Variants in SH2D3C observed in about 807,000 individuals in gnomAD.
SH2D3C encodes SH2 domain-containing protein 3C.
SH2D3C carries 25 observed loss-of-function variants against 75.2 expected under a neutral mutation model. The ratio of observed to expected loss-of-function variants is 0.33; its 90% CI spans 0.24 to 0.46. The LOEUF (loss-of-function observed/expected upper bound fraction) is 0.46. SH2D3C is among the 20% of genes least tolerant of loss of function. SH2D3C has a pLI of 1.00. For missense variants in SH2D3C, 933 were observed against 1,165.3 expected (o/e 0.80, Z 2.90); for synonymous variants, 450 against 473.7 (o/e 0.95, Z 0.65).
Position 127,745,042 on chromosome 9 carries a change from G to A in SH2D3C, c.1322C>T (p.Pro441Leu). 3 of 1,512,162 alleles carry A rather than the reference G, an allele frequency of 2.0e-6. No individual in the cohort carries two copies. Among genetic ancestry groups the A allele is most frequent in the South Asian group, 1.3e-5 (1 of 74,106 alleles). The allele number at this position is 1,512,162 out of a possible 1,614,324, so 93.7% of individuals were successfully genotyped here. ...APSATALPAS[P>L]VARRSSEPQL... Reference sequence around the variant, plus strand: ...GGGCTCACTGGAACGGCGGGCGACAGGGGAGGCAGGCAATGCTGTGGCAGA... The same window carrying A: ...GGGCTCACTGGAACGGCGGGCGACAAGGGAGGCAGGCAATGCTGTGGCAGA... Residue 441 changes from proline (P) to leucine (L), a missense_variant, in exon 7 of 12, where the codon CCT becomes CTT. Physicochemically the swap from Pro to Leu is moderately conservative, Grantham distance 98. Transcript: ENST00000314830.
chr9:127,754,727 C>T lies in SH2D3C; in HGVS notation c.556-3427G>A, dbSNP rs1248275733. 4.7e-6 allele frequency: 2 copies of T among 428,568 alleles called. No individual in the cohort carries two copies. Among genetic ancestry groups the T allele is most frequent in the Non-Finnish European group, 9.9e-6 (2 of 201,782 alleles). 26.5% of individuals were successfully genotyped at this position (428,568 alleles called of 1,614,324 possible). A position where few individuals can be genotyped will look rare whatever the true frequency, so the allele number is the denominator to read the frequency against. ...TGGGGAGCCAGGGTGCCCAGGTCAG[C>T]CGCAAGGGCCAGCGTACCAGGCGGA... On this transcript the variant is annotated intron_variant, in intron 3 of 11. Transcript: ENST00000314830. This position sits in a 1 kb window ranked among gnomAD's most constrained non-coding sequence, Gnocchi z 4.4.
rs746511373 is a variant in SH2D3C at position 127,738,814 on chromosome 9, TCTC to T, written c.2512_2514del (p.Glu838del). The T allele has an allele frequency of 6.2e-7, 1 of 1,608,100 alleles. No individual in the cohort carries two copies. The highest frequency in any genetic ancestry group is 1.3e-5 in the African/African-American group (1 of 74,852). ...AGGGCAGTGAGGACCTTGTCGAACT[TCTC>T]ATAGCGCCGGGCCTGGCTGCTGCTG... On this transcript the variant is annotated inframe_deletion, in exon 12 of 12. Transcript: ENST00000314830. This position sits in a 1 kb window ranked among gnomAD's most constrained non-coding sequence, Gnocchi z 5.0.
intron 3 of SH2D3C, among the ~76,000 whole-genome samples, chr9:127,757,642 G>GATT (rs1491460414): frequency 4.1e-4 from 50 of 123,450 alleles, no homozygotes; most frequent in South Asian, 1.1e-3. Flanking sequence ...TGATGATGAT[G>GATT]ATGATTATTA....
chr9:127,776,173 T>C (rs994129195), intron 1 of SH2D3C, among the ~76,000 whole-genome samples: 10 of 152,226 alleles, frequency 6.6e-5, no homozygotes, highest in South Asian at 4.1e-4. Flanking sequence ...ATTCTGCATC[T>C]GCCAAATGTG....
chr9:127,778,580 C>T lies in SH2D3C; in HGVS notation c.37+11G>A. On this transcript the variant is annotated intron_variant, in intron 1 of 11. Coordinates refer to ENST00000314830, the MANE Select transcript of SH2D3C (RefSeq NM_170600.3). Reference sequence around the variant, plus strand: ...GGATGGAGGACAGTGCAGACGGCACCCCACACTCACTGAACTTTTTGCTGG... The same window carrying T: ...GGATGGAGGACAGTGCAGACGGCACTCCACACTCACTGAACTTTTTGCTGG... The T allele has an allele frequency of 6.2e-7, 1 of 1,607,894 alleles. No homozygotes were observed. Among genetic ancestry groups the T allele is most frequent in the Non-Finnish European group, 8.5e-7 (1 of 1,174,282 alleles).
At chr9:127,776,827 C>T (rs1245316800) in intron 1 of SH2D3C, among the ~76,000 whole-genome samples, 1 of 152,224 alleles carries the variant, frequency 6.6e-6, no homozygotes, top group Non-Finnish European at 1.5e-5. Flanking sequence ...TGCTTCCCAG[C>T]CCTGCCGGCC....
intron 3 of SH2D3C, among the ~76,000 whole-genome samples, chr9:127,753,963 G>T (rs1315080056): frequency 1.3e-5 from 2 of 152,206 alleles, no homozygotes; most frequent in African/African-American, 4.8e-5. Context: ...AAGGGGCTGG[G>T]AGACTGGGCT....
intron 2 of SH2D3C, chr9:127,767,081 C>A (rs769885018): frequency 6.5e-7 from 1 of 1,536,200 alleles, no homozygotes; most frequent in Non-Finnish European, 8.7e-7. Context: ...AGATGGGCCA[C>A]CATTGTGCCC....
chr9:127,776,613 G>A (rs1322104147), intron 1 of SH2D3C, among the ~76,000 whole-genome samples: 3 of 152,318 alleles, frequency 2.0e-5, no homozygotes, highest in Admixed American at 6.5e-5. Context: ...GTAAAACTCC[G>A]GCATTTTCCA....
rs146921897 is a variant in SH2D3C at position 127,746,398 on chromosome 9, A to G, written c.1264+749T>C. On this transcript the variant is annotated intron_variant, in intron 6 of 11. Coordinates refer to ENST00000314830, the MANE Select transcript of SH2D3C (RefSeq NM_170600.3). ...TTTTTTTCCAGAAATGATCTATTGGAATGTTTCTAACAGAGAAACTTTCTT... is the reference window on the plus strand; with the variant it reads ...TTTTTTTCCAGAAATGATCTATTGGGATGTTTCTAACAGAGAAACTTTCTT... 1.1e-3 allele frequency among the ~76,000 whole-genome samples: 174 copies of G among 152,316 alleles called. 4 individuals carry two copies. The East Asian group carries it at 0.026, about 23-fold the overall frequency.
chr9:127,746,657 G>C (rs1845040442), intron 6 of SH2D3C, among the ~76,000 whole-genome samples: 1 of 152,178 alleles, frequency 6.6e-6, no homozygotes, highest in Admixed American at 6.5e-5. Context: ...ACAAAAATTA[G>C]CTAGGCATGG....
At chr9:127,741,640 T>C in intron 9 of SH2D3C, 148 bp downstream of exon 9, 1 of 966,772 alleles carries the variant, frequency 1.0e-6, no homozygotes, top group Non-Finnish European at 1.5e-6. Flanking sequence ...GGGTCGGCAC[T>C]TGCAGAACTC....
Position 127,778,292 on chromosome 9 carries a change from A to G in SH2D3C, c.37+299T>C, listed in dbSNP as rs372738115. Among the ~76,000 whole-genome samples the G allele has an allele frequency of 2.4e-3, 349 of 145,998 alleles. 7 individuals are homozygous for G. The East Asian group carries it at 0.052, about 22-fold the overall frequency. On this transcript the variant is annotated intron_variant, in intron 1 of 11. Transcript: ENST00000314830. ...CGTGAGCCACCACTGCACCTGGCCA[A>G]AAAAAAAAAAAAAGATTTAATTGTG... is the stretch of plus-strand genomic sequence containing the variant.
chr9:127,767,559 A>G (rs1845659118), intron 2 of SH2D3C, among the ~76,000 whole-genome samples: 1 of 152,242 alleles, frequency 6.6e-6, no homozygotes, highest in Non-Finnish European at 1.5e-5. Flanking sequence ...TATTTCAACC[A>G]GAGCCCAGAA....
intron 3 of SH2D3C, among the ~76,000 whole-genome samples, chr9:127,752,013 T>G (rs1249393101): frequency 1.3e-5 from 2 of 152,100 alleles, no homozygotes; most frequent in African/African-American, 4.8e-5. Context: ...TCAGCAATCC[T>G]CACCCAGATG....
chr9:127,744,807 C>G lies in SH2D3C; in HGVS notation c.1557G>C (p.Arg519Ser). 6.2e-7 allele frequency: 1 copy of G among 1,614,248 alleles called. No individual in the cohort carries two copies. The highest frequency in any genetic ancestry group is 8.5e-7 in the Non-Finnish European group (1 of 1,180,046). ...AATETSSQQA[R>S]SYGERLKELS... is the part of the protein sequence containing the mutation. ...GTTCCTTTAGCCTCTCCCCATAGCT[C>G]CTGGCCTGCTGGCTGGAGGTCTCAG... The change falls in exon 7 of 12, where the codon AGG (arginine) becomes AGC (serine). Residue 519 changes from arginine to serine, a missense_variant. Physicochemically the swap from Arg to Ser is moderately radical, Grantham distance 110. Transcript: ENST00000314830.
chr9:127,747,687 C>T (rs566150354), intron 5 of SH2D3C, among the ~76,000 whole-genome samples: 29 of 152,050 alleles, frequency 1.9e-4, no homozygotes, highest in South Asian at 1.5e-3. Flanking sequence ...TACAGGTGCC[C>T]GTTACCAAGC....
At position 127,749,124 on chromosome 9, in the gene SH2D3C, T is replaced by C. The variant is rs1845117546; in HGVS notation, c.1139+87A>G. ...CAGAGGCTCCAGGAGAGTAATTTCA[T>C]CCCATTTCAGTGTACCTAGGCCTTC... On this transcript the variant is annotated intron_variant, in intron 5 of 11. Coordinates refer to ENST00000314830, the MANE Select transcript of SH2D3C (RefSeq NM_170600.3). This position sits in a 1 kb window ranked among gnomAD's most constrained non-coding sequence, Gnocchi z 5.9. The C allele has an allele frequency of 2.0e-6, 2 of 989,130 alleles. No individual in the cohort carries two copies. The highest frequency in any genetic ancestry group is 2.3e-5 in the Admixed American group (1 of 43,392). The allele number at this position is 989,130 out of a possible 1,614,324, so 61.3% of individuals were successfully genotyped here. A position where few individuals can be genotyped will look rare whatever the true frequency, so the allele number is the denominator to read the frequency against.
rs754420080 is a variant in SH2D3C, at chr9:127,749,251, T to C, written c.1099A>G (p.Thr367Ala). 12 of 1,587,000 alleles carry C rather than the reference T, an allele frequency of 7.6e-6. No individual in the cohort carries two copies. The highest frequency in any genetic ancestry group is 6.0e-6 in the Non-Finnish European group (7 of 1,164,332). The stretch of plus-strand genomic sequence containing the variant: ...TCGCTGCGGGTGACCTTGTCAGCAG[T>C]GAGCCCATCGGTCATGGTGACGCTG... Reference protein sequence around the residue: ...RRSVTMTDGLTADKVTRSDGC... With the variant: ...RRSVTMTDGLAADKVTRSDGC... The change falls in exon 5 of 12, where the codon ACT becomes GCT. Residue 367 changes from threonine (T) to alanine (A), a missense_variant. Coordinates refer to ENST00000314830, the MANE Select transcript of SH2D3C (RefSeq NM_170600.3). This position sits in a 1 kb window ranked among gnomAD's most constrained non-coding sequence, Gnocchi z 5.9.
Sources: allele counts gnomAD v4.1 joint callset (sites outside exome capture counted in the v4.1 genomes callset), GRCh38; gene constraint gnomAD v4.1.1; non-coding constraint Gnocchi (gnomAD v3.1); transcripts MANE v1.5; gene names NCBI Gene and HGNC (gene_info 2026-07-23, HGNC 2026-07-21).